Variants in EIF3H observed in about 807,000 individuals in gnomAD.
EIF3H encodes the protein eIF-3-gamma.
Under a neutral mutation model 44.2 loss-of-function variants are expected in EIF3H, and 26 were observed. The observed-to-expected ratio is 0.59, with a 90% CI of 0.43 to 0.82. The LOEUF (loss-of-function observed/expected upper bound fraction) is 0.82. Among genes scored for constraint, EIF3H ranks in the 40% least tolerant of loss-of-function variants. EIF3H has a pLI of 0.00. For synonymous variants in EIF3H, 166 were observed against 151.9 expected, an observed-to-expected ratio of 1.09 and a Z score of -0.68; for missense variants, 359 against 432.8, an observed-to-expected ratio of 0.83 and a Z score of 1.51.
chr8:116,755,572 G>A (rs1368779657), intron 1 of EIF3H, 94 bp downstream of exon 1: 14 of 1,554,606 alleles, frequency 9.0e-6, no homozygotes, highest in Non-Finnish European at 1.1e-5. Context: ...GCCACACCAA[G>A]CCCAAGGGGG....
chr8:116,715,594 T>G (rs1326975277), intron 2 of EIF3H, among the ~76,000 whole-genome samples: 1 of 152,078 alleles, frequency 6.6e-6, no homozygotes, highest in Non-Finnish European at 1.5e-5. Context: ...ATATGAAAAT[T>G]ATGGATTTGG....
chr8:116,737,565 G>A (rs1255167115), intron 1 of EIF3H: 2 of 200,226 alleles, frequency 1.0e-5, no homozygotes, highest in Non-Finnish European at 2.1e-5. Flanking sequence ...CTGAATGCAG[G>A]AGAATCACTT....
chr8:116,647,884 CTCAGTTTA>C (rs1813330650), intron 6 of EIF3H, among the ~76,000 whole-genome samples: 1 of 151,846 alleles, frequency 6.6e-6, no homozygotes, highest in Non-Finnish European at 1.5e-5. Context: ...TTTTTTCCCC[CTCAGTTTA>C]TCAGACATTT....
intron 2 of EIF3H, among the ~76,000 whole-genome samples, chr8:116,670,471 C>T (rs1459085562): frequency 6.6e-6 from 1 of 152,130 alleles, no homozygotes; most frequent in Non-Finnish European, 1.5e-5. Context: ...GTGACTTTTA[C>T]CCTTACCCTT....
chr8:116,722,093 G>A (rs551771090), intron 2 of EIF3H, among the ~76,000 whole-genome samples: 3 of 152,268 alleles, frequency 2.0e-5, no homozygotes, highest in Admixed American at 1.3e-4. Flanking sequence ...ATCTTGAATT[G>A]TGGCTCCCAT....
At chr8:116,680,586 G>A (rs1813965245) in intron 2 of EIF3H, among the ~76,000 whole-genome samples, 3 of 105,934 alleles carry the variant, frequency 2.8e-5, no homozygotes, top group African/African-American at 1.1e-4. Context: ...ATGGATTAAG[G>A]GCGGTGCAAG....
At chr8:116,691,798 G>C (rs1451042270) in intron 2 of EIF3H, among the ~76,000 whole-genome samples, 1 of 151,752 alleles carries the variant, frequency 6.6e-6, no homozygotes, top group African/African-American at 2.4e-5. Context: ...CTTGAACCCA[G>C]GAGGCGGAGG....
chr8:116,727,461 G>A (rs1386605605), intron 1 of EIF3H, among the ~76,000 whole-genome samples: 2 of 152,202 alleles, frequency 1.3e-5, no homozygotes, highest in Admixed American at 6.5e-5. Context: ...AGATAAAGAA[G>A]CCAAGTTTGA....
chr8:116,647,246 C>T (rs553738756), intron 6 of EIF3H, among the ~76,000 whole-genome samples: 4 of 152,086 alleles, frequency 2.6e-5, no homozygotes, highest in South Asian at 4.2e-4. Context: ...GGGTTACAGG[C>T]GCCCACCACC....
chr8:116,749,715 C>T (rs1191713161), intron 1 of EIF3H, among the ~76,000 whole-genome samples: 2 of 152,190 alleles, frequency 1.3e-5, no homozygotes, highest in Admixed American at 6.5e-5. Context: ...TTTCCATCCA[C>T]AAGACTAGCT....
intron 2 of EIF3H, among the ~76,000 whole-genome samples, chr8:116,697,987 T>C (rs565395500): frequency 6.6e-5 from 10 of 152,246 alleles, no homozygotes; most frequent in Non-Finnish European, 1.2e-4. Context: ...ACTGCCTTAA[T>C]GTATTCTATG....
rs578139392 is a variant in EIF3H at position 116,676,104 on chromosome 8, T to G, written c.290-17124A>C. 3.3e-4 allele frequency among the ~76,000 whole-genome samples: 50 copies of G among 152,340 alleles called. 1 individual carries two copies. The South Asian group carries it at 0.01, about 31-fold the overall frequency. On this transcript the variant is annotated intron_variant, in intron 2 of 7. Transcript: ENST00000521861. ...ATAGGCCCCAGAACATGCAGGAACC[T>G]TTAAAAGGTTAGATTAAACTAACAA...
At chr8:116,662,524 A>C (rs936313676) in intron 2 of EIF3H, among the ~76,000 whole-genome samples, 1 of 152,216 alleles carries the variant, frequency 6.6e-6, no homozygotes, top group Admixed American at 6.5e-5. Flanking sequence ...GGAACAAGAG[A>C]CACAACTCAC....
chr8:116,703,545 A>T (rs998204772), intron 2 of EIF3H, among the ~76,000 whole-genome samples: 5 of 152,246 alleles, frequency 3.3e-5, no homozygotes, highest in South Asian at 2.1e-4. Flanking sequence ...TCTGGATAGC[A>T]GTAGCAGAAT....
intron 2 of EIF3H, among the ~76,000 whole-genome samples, chr8:116,707,444 A>G (rs1814489589): frequency 6.6e-6 from 1 of 152,198 alleles, no homozygotes; most frequent in Non-Finnish European, 1.5e-5. Context: ...ATCATCACAG[A>G]ACAGGTGCTT....
chr8:116,744,464 A>C (rs1204574041), intron 1 of EIF3H, among the ~76,000 whole-genome samples: 1 of 152,224 alleles, frequency 6.6e-6, no homozygotes, highest in Non-Finnish European at 1.5e-5. Context: ...TACCAACATT[A>C]ACAAGAATAT....
At chr8:116,687,127 C>T (rs963204718) in intron 2 of EIF3H, among the ~76,000 whole-genome samples, 4 of 152,104 alleles carry the variant, frequency 2.6e-5, no homozygotes, top group African/African-American at 9.7e-5. Flanking sequence ...AGTAAGAGGC[C>T]ACTGCAGTAA....
chr8:116,707,727 A>T (rs1814494950), intron 2 of EIF3H, among the ~76,000 whole-genome samples: 1 of 152,100 alleles, frequency 6.6e-6, no homozygotes, highest in African/African-American at 2.4e-5. Context: ...CTTCAGCCAC[A>T]AAATATTGGT....
At chr8:116,678,962 C>T (rs1433517800) in intron 2 of EIF3H, among the ~76,000 whole-genome samples, 33 of 85,164 alleles carry the variant, frequency 3.9e-4, no homozygotes, top group Admixed American at 1.6e-3. Context: ...CCCCTCTGCC[C>T]GGCCAGTCGC....
Sources: gnomAD v4.1 joint callset for allele counts (sites outside exome capture counted in the v4.1 genomes callset) on GRCh38, gnomAD v4.1.1 for gene constraint, MANE v1.5 for transcripts, NCBI Gene and HGNC (gene_info 2026-07-23, HGNC 2026-07-21) for gene names.